Variants in C8orf34 observed in about 807,000 individuals in gnomAD.
C8orf34 encodes chromosome 8 open reading frame 34, also known as uncharacterized protein C8orf34.
In C8orf34, 65 loss-of-function variants were observed where a neutral mutation model predicts 68.3. That is an observed-to-expected ratio of 0.95 (90% CI 0.78 to 1.17). The LOEUF (loss-of-function observed/expected upper bound fraction) is 1.17, where lower values mean the gene tolerates loss of function less well. C8orf34 is among the 50% of genes most tolerant of loss of function. The pLI, the probability that C8orf34 is intolerant of heterozygous loss-of-function variation, is 0.00. For missense variants in C8orf34, 664 were observed against 655.4 expected (o/e 1.01, Z -0.14); for synonymous variants, 244 against 241.2 (o/e 1.01, Z -0.11).
At position 68,468,759 on chromosome 8, in the gene C8orf34, A is replaced by C. The variant is rs760329354; in HGVS notation, c.675A>C (p.Glu225Asp). The part of the protein sequence containing the change: ...RTKPQSRDFD[E>D]LNHILQESKK... ...AACCACAAAGCCGTGATTTTGATGAATTGAATCACATCCTTCAGGAGAGCA... is the reference window on the plus strand; with the variant it reads ...AACCACAAAGCCGTGATTTTGATGACTTGAATCACATCCTTCAGGAGAGCA... Residue 225 changes from glutamate (E) to aspartate (D), a missense_variant, in exon 4 of 14, where the codon GAA (glutamate) becomes GAC (aspartate). Physicochemically the swap from Glu to Asp is conservative, Grantham distance 45. Coordinates refer to ENST00000518698, the MANE Select transcript of C8orf34 (RefSeq NM_052958.4). The C allele has an allele frequency of 3.1e-6, 5 of 1,612,626 alleles. No homozygotes were observed. In the East Asian group the frequency reaches 1.1e-4, roughly 36 times the overall value.
At chr8:68,367,866 A>T (rs1807354930) in intron 1 of C8orf34, among the ~76,000 whole-genome samples, 2 of 131,382 alleles carry the variant, frequency 1.5e-5, no homozygotes, top group African/African-American at 5.5e-5. Flanking sequence ...AACCTGCACA[A>T]TGTGCACATG....
At chr8:68,789,788 A>G (rs906886620) in intron 12 of C8orf34, among the ~76,000 whole-genome samples, 4 of 152,212 alleles carry the variant, frequency 2.6e-5, no homozygotes, top group Admixed American at 1.3e-4. Flanking sequence ...AATAACTATT[A>G]TAACTATGAA....
At chr8:68,374,540 G>A (rs1265336209) in intron 1 of C8orf34, among the ~76,000 whole-genome samples, 3 of 152,148 alleles carry the variant, frequency 2.0e-5, no homozygotes, top group Non-Finnish European at 2.9e-5. Flanking sequence ...GAACTTCATT[G>A]TAATTATTCA....
intron 13 of C8orf34, among the ~76,000 whole-genome samples, 160 bp downstream of exon 13, chr8:68,816,105 A>AGTGTGTGT (rs71554629): frequency 0.064 from 9,281 of 144,490 alleles, 378 homozygotes; most frequent in East Asian, 0.14. Flanking sequence ...ATTTCCTAAG[A>AGTGTGTGT]GTGTGTGTGT....
intron 8 of C8orf34, among the ~76,000 whole-genome samples, chr8:68,682,511 A>G (rs1450981031): frequency 6.6e-6 from 1 of 152,022 alleles, no homozygotes; most frequent in African/African-American, 2.4e-5. Flanking sequence ...AATTTTCCTC[A>G]TAAAAGGGCA....
At chr8:68,355,064 C>T (rs1806689452) in intron 1 of C8orf34, among the ~76,000 whole-genome samples, 1 of 151,938 alleles carries the variant, frequency 6.6e-6, no homozygotes, top group South Asian at 2.1e-4. Flanking sequence ...GAAAAATAAC[C>T]CCCATCCCAT....
At chr8:68,805,267 T>A (rs185311043) in intron 12 of C8orf34, among the ~76,000 whole-genome samples, 13 of 152,320 alleles carry the variant, frequency 8.5e-5, no homozygotes, top group Non-Finnish European at 1.8e-4. Context: ...TGGGCAAATG[T>A]TTAGAAGCAC....
At chr8:68,558,383 T>C (rs971699687) in intron 7 of C8orf34, among the ~76,000 whole-genome samples, 4 of 152,138 alleles carry the variant, frequency 2.6e-5, no homozygotes, top group African/African-American at 4.8e-5. Flanking sequence ...TGTTGGAAAG[T>C]AAATATATGT....
chr8:68,779,808 T>G (rs1337501235), intron 11 of C8orf34, among the ~76,000 whole-genome samples: 3 of 152,122 alleles, frequency 2.0e-5, no homozygotes, highest in Admixed American at 6.5e-5. Flanking sequence ...TTATTAATTA[T>G]CATAGTTTTA....
intron 8 of C8orf34, among the ~76,000 whole-genome samples, chr8:68,660,903 G>A (rs186108547): frequency 2.6e-5 from 4 of 152,088 alleles, no homozygotes; most frequent in Admixed American, 1.3e-4. Flanking sequence ...TACAAAAAGG[G>A]GGGGGAAAAA....
chr8:68,722,236 G>A (rs952230352), intron 10 of C8orf34, among the ~76,000 whole-genome samples: 3 of 151,988 alleles, frequency 2.0e-5, no homozygotes, highest in Non-Finnish European at 2.9e-5. Flanking sequence ...CTTTGTACAT[G>A]TCTATGTCCT....
At chr8:68,742,947 G>A (rs1312756096) in intron 10 of C8orf34, among the ~76,000 whole-genome samples, 1 of 152,064 alleles carries the variant, frequency 6.6e-6, no homozygotes, top group Non-Finnish European at 1.5e-5. Flanking sequence ...CTGGCTTCCT[G>A]ACCATCCATC....
chr8:68,513,359 A>G (rs2380470), intron 5 of C8orf34, among the ~76,000 whole-genome samples: 26,980 of 152,076 alleles, frequency 0.18, 5,043 homozygotes, highest in African/African-American at 0.47. Context: ...GATCCTTGAA[A>G]AGACAGGGCT....
intron 12 of C8orf34, among the ~76,000 whole-genome samples, chr8:68,795,571 T>G (rs1011498183): frequency 6.6e-6 from 1 of 152,236 alleles, no homozygotes; most frequent in African/African-American, 2.4e-5. Context: ...TTACCTGTTG[T>G]ACTCAGCCAT....
At position 68,481,111 on chromosome 8, in the gene C8orf34, A is replaced by G. The variant is rs547672447; in HGVS notation, c.737-6912A>G. Among the ~76,000 whole-genome samples the G allele has an allele frequency of 4.9e-4, 74 of 151,440 alleles. 1 individual carries two copies. Among genetic ancestry groups the G allele is most frequent in the African/African-American group, 1.6e-3 (68 of 41,424 alleles). On this transcript the variant is annotated intron_variant, in intron 4 of 13. Transcript: ENST00000518698. ...CATGGGCCAGGTCCAGGGTTCCCATATTGTGTGCACGGGGTGCCCTGTGTC... is the reference window on the plus strand; with the variant it reads ...CATGGGCCAGGTCCAGGGTTCCCATGTTGTGTGCACGGGGTGCCCTGTGTC...
chr8:68,767,257 A>G (rs1280575460), intron 10 of C8orf34, among the ~76,000 whole-genome samples: 1 of 152,216 alleles, frequency 6.6e-6, no homozygotes, highest in East Asian at 1.9e-4. Flanking sequence ...TCAGTATTCC[A>G]GTCACAACCT....
chr8:68,429,922 C>G (rs551359431), intron 1 of C8orf34, among the ~76,000 whole-genome samples: 48 of 152,064 alleles, frequency 3.2e-4, no homozygotes, highest in Non-Finnish European at 5.6e-4. Flanking sequence ...ACACGTAGAA[C>G]CTAAAACCCT....
chr8:68,591,778 A>G (rs1329146641), intron 7 of C8orf34, among the ~76,000 whole-genome samples: 1 of 152,184 alleles, frequency 6.6e-6, no homozygotes, highest in Non-Finnish European at 1.5e-5. Flanking sequence ...AATACATGCT[A>G]TATTTTGCAT....
At chr8:68,751,216 A>G (rs1222949263) in intron 10 of C8orf34, among the ~76,000 whole-genome samples, 1 of 152,170 alleles carries the variant, frequency 6.6e-6, no homozygotes, top group Admixed American at 6.5e-5. Context: ...TGAATCCCAT[A>G]TTGTAACATG....
Sources: allele counts gnomAD v4.1 joint callset (sites outside exome capture counted in the v4.1 genomes callset), GRCh38; gene constraint gnomAD v4.1.1; transcripts MANE v1.5; gene names NCBI Gene and HGNC (gene_info 2026-07-23, HGNC 2026-07-21).